IMMP2L: variants seen among roughly 807,000 people sequenced by gnomAD.
IMMP2L encodes the protein inner mitochondrial membrane peptidase subunit 2, also known as mitochondrial inner membrane protease subunit 2.
IMMP2L carries 18 observed loss-of-function variants against 19.3 expected under a neutral mutation model. The ratio of observed to expected loss-of-function variants is 0.93; its 90% CI spans 0.64 to 1.38. The LOEUF (loss-of-function observed/expected upper bound fraction) is 1.38, where lower values mean the gene tolerates loss of function less well. IMMP2L is among the 40% of genes most tolerant of loss of function. The pLI is 0.00. For synonymous variants in IMMP2L, 76 were observed against 73.0 expected, an observed-to-expected ratio of 1.04 and a Z score of -0.21; for missense variants, 233 against 218.2, an observed-to-expected ratio of 1.07 and a Z score of -0.43.
chr7:111,445,964 G>T (rs965209354), intron 3 of IMMP2L, among the ~76,000 whole-genome samples: 9 of 152,066 alleles, frequency 5.9e-5, no homozygotes, highest in Non-Finnish European at 1.0e-4. Flanking sequence ...CTGGAAAATC[G>T]GGTCACTCCC....
At chr7:110,849,023 T>A (rs981006858) in intron 5 of IMMP2L, among the ~76,000 whole-genome samples, 1 of 152,174 alleles carries the variant, frequency 6.6e-6, no homozygotes, top group Non-Finnish European at 1.5e-5. Context: ...GTCAAACCCA[T>A]AGAATGTACA....
At chr7:111,273,012 A>T (rs897222534) in intron 3 of IMMP2L, among the ~76,000 whole-genome samples, 1 of 152,096 alleles carries the variant, frequency 6.6e-6, no homozygotes, top group Non-Finnish European at 1.5e-5. Flanking sequence ...AAAATAGCTC[A>T]GCATCCTGTA....
At chr7:111,242,554 C>A (rs1030461561) in intron 3 of IMMP2L, among the ~76,000 whole-genome samples, 1 of 152,078 alleles carries the variant, frequency 6.6e-6, no homozygotes, top group African/African-American at 2.4e-5. Flanking sequence ...ATTCATTCAC[C>A]TGAACCACCC....
At chr7:111,318,823 T>C (rs1336967288) in intron 3 of IMMP2L, among the ~76,000 whole-genome samples, 6 of 152,172 alleles carry the variant, frequency 3.9e-5, no homozygotes, top group African/African-American at 7.2e-5. Flanking sequence ...ATTTCAACTA[T>C]GGAAGTAACA....
intron 2 of IMMP2L, among the ~76,000 whole-genome samples, chr7:111,491,508 G>A (rs1360822854): frequency 6.6e-6 from 1 of 152,028 alleles, no homozygotes; most frequent in Non-Finnish European, 1.5e-5. Flanking sequence ...TTAATTTTAA[G>A]CAGGTCTGTA....
chr7:111,371,103 T>C (rs967079374), intron 3 of IMMP2L, among the ~76,000 whole-genome samples: 2 of 151,900 alleles, frequency 1.3e-5, no homozygotes, highest in Non-Finnish European at 2.9e-5. Flanking sequence ...ACAGAAAGGA[T>C]ACATGATGAG....
intron 3 of IMMP2L, among the ~76,000 whole-genome samples, chr7:111,140,086 C>T (rs573759733): frequency 2.0e-5 from 3 of 151,904 alleles, no homozygotes; most frequent in Admixed American, 2.0e-4. Context: ...ATTAAGGAAA[C>T]CAACTAAAAA....
At chr7:110,851,728 T>A (rs1338319258) in intron 5 of IMMP2L, among the ~76,000 whole-genome samples, 3 of 152,138 alleles carry the variant, frequency 2.0e-5, no homozygotes, top group Non-Finnish European at 2.9e-5. Context: ...CACATTGTTA[T>A]CTGAAAAATT....
intron 3 of IMMP2L, among the ~76,000 whole-genome samples, chr7:111,021,720 T>C (rs1439484822): frequency 6.6e-6 from 1 of 152,110 alleles, no homozygotes; most frequent in Non-Finnish European, 1.5e-5. Flanking sequence ...CCATCTCTAC[T>C]AAAAATACAA....
intron 3 of IMMP2L, among the ~76,000 whole-genome samples, chr7:111,088,998 A>G (rs1006556227): frequency 6.6e-6 from 1 of 152,308 alleles, no homozygotes; most frequent in Non-Finnish European, 1.5e-5. Flanking sequence ...TTAAATTTAT[A>G]AAAATGAGTA....
At chr7:110,670,185 G>A (rs909519552) in intron 5 of IMMP2L, among the ~76,000 whole-genome samples, 5 of 152,098 alleles carry the variant, frequency 3.3e-5, no homozygotes, top group African/African-American at 1.2e-4. Flanking sequence ...AAGCACATGT[G>A]CACACAGAGA....
chr7:111,540,851 G>A (rs1848450966), intron 1 of IMMP2L, among the ~76,000 whole-genome samples: 1 of 152,044 alleles, frequency 6.6e-6, no homozygotes, highest in Non-Finnish European at 1.5e-5. Flanking sequence ...TGTGTCAGAC[G>A]ACATTCCACT....
chr7:111,033,314 A>G (rs1791020414), intron 3 of IMMP2L, among the ~76,000 whole-genome samples: 1 of 152,176 alleles, frequency 6.6e-6, no homozygotes, highest in African/African-American at 2.4e-5. Flanking sequence ...CAAAACACTG[A>G]CTACAGCAAA....
chr7:111,162,861 G>A (rs1208185602), intron 3 of IMMP2L, among the ~76,000 whole-genome samples: 1 of 151,846 alleles, frequency 6.6e-6, no homozygotes, highest in African/African-American at 2.4e-5. Flanking sequence ...AACACTAAGA[G>A]ACTTGAACAA....
At chr7:111,098,963 T>C (rs1217774491) in intron 3 of IMMP2L, among the ~76,000 whole-genome samples, 1 of 151,804 alleles carries the variant, frequency 6.6e-6, no homozygotes, top group Non-Finnish European at 1.5e-5. Flanking sequence ...TACTAGAATA[T>C]TATACCTTTG....
intron 3 of IMMP2L, among the ~76,000 whole-genome samples, chr7:111,486,218 T>G (rs1216724715): frequency 6.6e-6 from 1 of 152,182 alleles, no homozygotes; most frequent in East Asian, 1.9e-4. Flanking sequence ...CGAGATTTGG[T>G]TAATATGTTT....
At position 111,123,159 on chromosome 7, in the gene IMMP2L, T is replaced by C; in HGVS notation, c.240-159594A>G. 6.2e-7 allele frequency: 1 copy of C among 1,614,026 alleles called. No homozygotes were observed. The highest frequency in any genetic ancestry group is 8.5e-7 in the Non-Finnish European group (1 of 1,179,980). On this transcript the variant is annotated intron_variant, in intron 3 of 5. Coordinates refer to ENST00000405709, the MANE Select transcript of IMMP2L (RefSeq NM_032549.4). The surrounding 1 kb of genome is among the most constrained non-coding windows in gnomAD (Gnocchi z 6.4). ...TGTACCTAGAGGAAAACAAACTTAC[T>C]GAACTGCCTGAAAAATGTCTGTCCG...
In IMMP2L at chr7:110,924,962, C is replaced by A. The variant is rs1814694607; in HGVS notation, c.306-38267G>T. On this transcript the variant is annotated intron_variant, in intron 4 of 5. Coordinates refer to ENST00000405709, the MANE Select transcript of IMMP2L (RefSeq NM_032549.4). This position sits in a 1 kb window ranked among gnomAD's most constrained non-coding sequence, Gnocchi z 4.2. ...AGGAGCTATTAAAAACTTTCAACTA[C>A]ATCTAACCATTCATAGTTATGCATG... is the stretch of plus-strand genomic sequence containing the variant. Among the ~76,000 whole-genome samples, 2 of 152,100 alleles carry A rather than the reference C, an allele frequency of 1.3e-5. No homozygotes were observed. The highest frequency in any genetic ancestry group is 2.9e-5 in the Non-Finnish European group (2 of 68,024).
At chr7:111,159,857 T>C (rs1053255202) in intron 3 of IMMP2L, among the ~76,000 whole-genome samples, 8 of 152,238 alleles carry the variant, frequency 5.3e-5, no homozygotes, top group African/African-American at 1.4e-4. Context: ...AAAGTATTAA[T>C]GGGGTATCTT....
Sources: allele counts gnomAD v4.1 joint callset (sites outside exome capture counted in the v4.1 genomes callset), GRCh38; gene constraint gnomAD v4.1.1; non-coding constraint Gnocchi (gnomAD v3.1); transcripts MANE v1.5; gene names NCBI Gene and HGNC (gene_info 2026-07-23, HGNC 2026-07-21).